Variants in PDE4D observed in about 807,000 individuals in gnomAD.
PDE4D encodes 3',5'-cyclic-AMP phosphodiesterase 4D.
Under a neutral mutation model 87.4 loss-of-function variants are expected in PDE4D, and 24 were observed. The observed-to-expected ratio is 0.27, with a 90% CI of 0.20 to 0.39. The LOEUF (loss-of-function observed/expected upper bound fraction) is 0.39, where lower values mean the gene tolerates loss of function less well. Among genes scored for constraint, PDE4D ranks in the 10% least tolerant of loss-of-function variants. The probability of loss-of-function intolerance (pLI) is 1.00; values close to 1 mark genes in which losing one functional copy is unlikely to be tolerated. For missense variants in PDE4D, 714 were observed against 1,041.0 expected (o/e 0.69, Z 4.32); for synonymous variants, 384 against 383.2 (o/e 1.00, Z -0.02).
At chr5:60,520,066 G>A (rs2150265517) in intron 1 of PDE4D, among the ~76,000 whole-genome samples, 1 of 152,008 alleles carries the variant, frequency 6.6e-6, no homozygotes, top group African/African-American at 2.4e-5. Context: ...AGGATCCTCT[G>A]ATATCTTCAA....
intron 1 of PDE4D, among the ~76,000 whole-genome samples, chr5:59,651,255 CAACAAT>C (rs1389926197): frequency 6.4e-5 from 5 of 77,732 alleles, no homozygotes; most frequent in Non-Finnish European, 2.5e-5. Flanking sequence ...GACTCTGTCT[CAACAAT>C]AATAATAATA....
intron 1 of PDE4D, among the ~76,000 whole-genome samples, chr5:59,700,865 G>A (rs1441590362): frequency 1.3e-5 from 2 of 152,174 alleles, no homozygotes; most frequent in African/African-American, 4.8e-5. Flanking sequence ...TCAAGCCTAT[G>A]TGATGTTTTG....
At chr5:60,120,964 C>G (rs1778624266) in intron 2 of PDE4D, among the ~76,000 whole-genome samples, 1 of 152,074 alleles carries the variant, frequency 6.6e-6, no homozygotes, top group Admixed American at 6.6e-5. Flanking sequence ...TAATCAGCTA[C>G]CAGCACAGCT....
chr5:60,415,561 GC>G (rs912609101), intron 1 of PDE4D, among the ~76,000 whole-genome samples: 14 of 152,228 alleles, frequency 9.2e-5, no homozygotes, highest in Non-Finnish European at 2.1e-4. Context: ...CGGCAGGCCG[GC>G]CCCGCCACCC....
At chr5:59,923,644 G>A (rs188063160) in intron 3 of PDE4D, among the ~76,000 whole-genome samples, 6 of 152,326 alleles carry the variant, frequency 3.9e-5, no homozygotes, top group Admixed American at 3.9e-4. Context: ...GTCAGCAAGA[G>A]CCATGGCATT....
intron 1 of PDE4D, among the ~76,000 whole-genome samples, chr5:59,419,835 T>C (rs1438085217): frequency 6.6e-6 from 1 of 152,218 alleles, no homozygotes; most frequent in Non-Finnish European, 1.5e-5. Flanking sequence ...TCTTAGATTA[T>C]GTGGCAAGAA....
chr5:60,227,617 A>C (rs538026388), intron 1 of PDE4D, among the ~76,000 whole-genome samples: 17 of 87,128 alleles, frequency 2.0e-4, no homozygotes, highest in African/African-American at 7.3e-4. Context: ...GAGGGAGGAA[A>C]GGGAAGGAGG....
At chr5:59,687,638 T>G (rs1031243766) in intron 1 of PDE4D, among the ~76,000 whole-genome samples, 2 of 152,142 alleles carry the variant, frequency 1.3e-5, no homozygotes, top group African/African-American at 2.4e-5. Context: ...AGACCATCGA[T>G]GCTAGGAAGA....
At chr5:59,863,106 A>T (rs1467024830) in intron 1 of PDE4D, among the ~76,000 whole-genome samples, 2 of 152,174 alleles carry the variant, frequency 1.3e-5, no homozygotes, top group Non-Finnish European at 2.9e-5. Flanking sequence ...TTGCTCCAAC[A>T]TTCAATAATT....
At chr5:60,478,752 A>G (rs546370968) in intron 1 of PDE4D, among the ~76,000 whole-genome samples, 1 of 152,326 alleles carries the variant, frequency 6.6e-6, no homozygotes, top group Admixed American at 6.5e-5. Context: ...AGGAATACAT[A>G]TGCTGTTTGA....
chr5:60,033,472 G>C (rs547372242), intron 2 of PDE4D, among the ~76,000 whole-genome samples: 1 of 152,222 alleles, frequency 6.6e-6, no homozygotes, highest in African/African-American at 2.4e-5. Context: ...TGTTTTAAAA[G>C]GGTGAATTTT....
chr5:59,924,020 A>C (rs1322754933), intron 3 of PDE4D, among the ~76,000 whole-genome samples: 1 of 152,224 alleles, frequency 6.6e-6, no homozygotes, highest in South Asian at 2.1e-4. Context: ...CTATCAGATA[A>C]ATTTAACAAA....
chr5:59,015,254 A>G (rs1245159538), intron 6 of PDE4D, among the ~76,000 whole-genome samples: 2 of 152,150 alleles, frequency 1.3e-5, no homozygotes, highest in Non-Finnish European at 1.5e-5. Context: ...AATGGCAACA[A>G]GAGCCAAAAT....
intron 1 of PDE4D, among the ~76,000 whole-genome samples, chr5:59,328,185 C>T (rs1333898862): frequency 6.6e-6 from 1 of 152,114 alleles, no homozygotes; most frequent in South Asian, 2.1e-4. Flanking sequence ...ACTCTGAAGA[C>T]AGACTAGTGG....
At chr5:60,462,745 CTA>C (rs1747053980) in intron 1 of PDE4D, among the ~76,000 whole-genome samples, 1 of 152,206 alleles carries the variant, frequency 6.6e-6, no homozygotes, top group African/African-American at 2.4e-5. Context: ...TGATCATTCA[CTA>C]CCACTGAGCC....
At chr5:59,893,748 T>C (rs543720951), upstream of PDE4D, 688 of 1,360,846 alleles carry the variant, frequency 5.1e-4, no homozygotes, top group Non-Finnish European at 6.0e-4. Context: ...GGCTGGTGCT[T>C]AGCTTCTCAC....
chr5:59,988,521 G>A (rs771006931), exon 3 of PDE4D: 8 of 1,598,746 alleles, frequency 5.0e-6, no homozygotes, highest in Admixed American at 5.0e-5. Flanking sequence ...AGCAATCAGC[G>A]GCAGAATCTT....
intron 1 of PDE4D, among the ~76,000 whole-genome samples, chr5:59,879,102 A>T (rs374834136): frequency 6.6e-6 from 1 of 151,750 alleles, no homozygotes; most frequent in Non-Finnish European, 1.5e-5. Context: ...GGGTTTCACC[A>T]TGTTAGCCAG....
At chr5:59,732,847 T>A (rs1035515294) in intron 1 of PDE4D, among the ~76,000 whole-genome samples, 2 of 152,192 alleles carry the variant, frequency 1.3e-5, no homozygotes, top group East Asian at 3.9e-4. Flanking sequence ...CACAAGTAAG[T>A]TGTGAATAAT....
Sources: gnomAD v4.1 joint callset for allele counts (sites outside exome capture counted in the v4.1 genomes callset) on GRCh38, gnomAD v4.1.1 for gene constraint, MANE v1.5 for transcripts, NCBI Gene and HGNC (gene_info 2026-07-23, HGNC 2026-07-21) for gene names.